TBL1X: variants seen among roughly 807,000 people sequenced by gnomAD.
The protein encoded by TBL1X is transducin beta like 1 X-linked, also known as F-box-like/WD repeat-containing protein TBL1X.
Under a neutral mutation model 50.7 loss-of-function variants are expected in TBL1X, and 10 were observed. That is an observed-to-expected ratio of 0.20 (90% CI 0.12 to 0.33). The LOEUF (loss-of-function observed/expected upper bound fraction) is 0.33. Among genes scored for constraint, TBL1X ranks in the 10% least tolerant of loss-of-function variants. The pLI is 1.00. For synonymous variants in TBL1X, 190 were observed against 214.7 expected (o/e 0.88, Z 1.01); for missense variants, 340 against 504.4 (o/e 0.67, Z 3.12).
At chrX:9,658,466 C>T (rs932780929) in intron 5 of TBL1X, among the ~76,000 whole-genome samples, 3 of 110,367 alleles carry the variant, frequency 2.7e-5, no homozygotes, top group African/African-American at 6.6e-5. Context: ...CTGGGGGAGT[C>T]GTGAGTTGTG....
In TBL1X at chrX:9,635,577, C is replaced by T. The variant is rs1359764952; in HGVS notation, c.-130-4696C>T. ...TGTGCGGCCCTGCACACAGCATGAG[C>T]TTGTCAGACAGACAGTGCTTGCCAA... is the stretch of plus-strand genomic sequence containing the variant. On this transcript the variant is annotated intron_variant, in intron 2 of 17. Transcript: ENST00000645353. Among the ~76,000 whole-genome samples, 5 of 112,192 alleles carry T rather than the reference C, an allele frequency of 4.5e-5. No individual in the cohort carries two copies. In the East Asian group the frequency reaches 1.1e-3, roughly 25 times the overall value.
At chrX:9,711,217 A>G (rs56136106) in intron 15 of TBL1X, among the ~76,000 whole-genome samples, 1,368 of 108,821 alleles carry the variant, frequency 0.013, 23 homozygotes, top group African/African-American at 0.04. Context: ...GTGTGGACCT[A>G]TGGTTGCAGC....
intron 2 of TBL1X, among the ~76,000 whole-genome samples, chrX:9,509,034 C>A (rs763168446): frequency 1.9e-4 from 21 of 109,774 alleles, no homozygotes; most frequent in African/African-American, 6.3e-4. Context: ...CACACATACA[C>A]CTGTATAACT....
chrX:9,639,824 A>G (rs1049385908), intron 2 of TBL1X: 3 of 112,100 alleles, frequency 2.7e-5, no homozygotes, highest in African/African-American at 9.7e-5. Flanking sequence ...ATGTTTAGCT[A>G]AAGCGTGTTG....
At chrX:9,471,098 G>A (rs893249122) in intron 1 of TBL1X, among the ~76,000 whole-genome samples, 1 of 112,639 alleles carries the variant, frequency 8.9e-6, no homozygotes, top group African/African-American at 3.2e-5. Context: ...GGTTAATCAC[G>A]TAAATATAAA....
chrX:9,684,774 C>T (rs1433658966), intron 6 of TBL1X, among the ~76,000 whole-genome samples: 2 of 111,484 alleles, frequency 1.8e-5, no homozygotes, highest in Non-Finnish European at 3.8e-5. Flanking sequence ...ACACTTACAC[C>T]GCCACATCTG....
At position 9,575,341 on chromosome X, in the gene TBL1X, A is replaced by G. The variant is rs773269247; in HGVS notation, c.-130-64932A>G. 7.2e-5 allele frequency among the ~76,000 whole-genome samples: 8 copies of G among 111,636 alleles called. No individual in the cohort carries two copies. In the South Asian group the frequency reaches 1.1e-3, roughly 16 times the overall value. On this transcript the variant is annotated intron_variant, in intron 2 of 17. Transcript: ENST00000645353. ...GGGTGGGGATTCAGAGCCAAACCAT[A>G]TCACCCATCAGCAGTCACTTCCCAT...
intron 2 of TBL1X, among the ~76,000 whole-genome samples, chrX:9,638,664 A>G (rs1438752518): frequency 8.9e-6 from 1 of 112,286 alleles, no homozygotes; most frequent in Non-Finnish European, 1.9e-5. Context: ...CTTTCTTCTG[A>G]ACAGCTTGTA....
chrX:9,599,428 C>CT (rs2082543219), intron 2 of TBL1X, among the ~76,000 whole-genome samples: 1 of 112,391 alleles, frequency 8.9e-6, no homozygotes, highest in African/African-American at 3.2e-5. Context: ...AAAGGTTCTG[C>CT]TTTCATTGCC....
chrX:9,503,572 T>C (rs2082012006), intron 2 of TBL1X, among the ~76,000 whole-genome samples: 1 of 113,217 alleles, frequency 8.8e-6, no homozygotes, highest in South Asian at 3.6e-4. Context: ...AGCTACAGGC[T>C]ACGCTTTTCC....
chrX:9,544,765 C>T (rs935754736), intron 2 of TBL1X, among the ~76,000 whole-genome samples: 16 of 109,467 alleles, frequency 1.5e-4, no homozygotes, highest in Admixed American at 2.9e-4. Flanking sequence ...AGGGTTTCTC[C>T]GTGTTGGTCA....
At position 9,654,217 on chromosome X, in the gene TBL1X, G is replaced by A; in HGVS notation, c.106G>A (p.Gly36Ser). The part of the protein sequence containing the change: ...HHFQRLRGRE[G>S]GSHFINTSSP... ...AACTCTCTTCTCTTTTTGAACAGAGGGTGGTTCCCACTTCATCAACACCTC... is the reference window on the plus strand; with the variant it reads ...AACTCTCTTCTCTTTTTGAACAGAGAGTGGTTCCCACTTCATCAACACCTC... The change falls in exon 5 of 18, where the codon GGT becomes AGT. Residue 36 changes from glycine (G) to serine (S), a missense_variant and splice_region_variant. This residue lies in a region of TBL1X where 41 missense variants were observed against 48.6 expected (regional missense o/e 0.84). Transcript: ENST00000645353. 5.0e-6 allele frequency: 6 copies of A among 1,208,906 alleles called. No individual in the cohort carries two copies. The highest frequency in any genetic ancestry group is 3.0e-5 in the East Asian group (1 of 33,822).
rs774050435 is a variant in TBL1X, at chrX:9,492,838, G to GGTGT, written c.-200-8885_-200-8882dup. 6.7e-3 allele frequency among the ~76,000 whole-genome samples: 381 copies of GGTGT among 56,972 alleles called. 9 individuals carry two copies. Among genetic ancestry groups the GGTGT allele is most frequent in the Admixed American group, 9.5e-3 (44 of 4,633 alleles). 49.5% of individuals were successfully genotyped at this position (56,972 alleles called of 115,157 possible). ...AATATTGTTGAGATTGGGGCTAGAG[G>GGTGT]GTGTGTGTGTGTGTGTGTGTGTGTG... On this transcript the variant is annotated intron_variant, in intron 1 of 17. Coordinates refer to ENST00000645353, the MANE Select transcript of TBL1X (RefSeq NM_005647.4).
chrX:9,467,965 T>G (rs1399140631), intron 1 of TBL1X, among the ~76,000 whole-genome samples: 1 of 112,652 alleles, frequency 8.9e-6, no homozygotes, highest in African/African-American at 3.2e-5. Flanking sequence ...TGACTTCAGA[T>G]GCCTGCGCCT....
intron 2 of TBL1X, among the ~76,000 whole-genome samples, chrX:9,528,399 T>C (rs774383697): frequency 9.0e-6 from 1 of 111,069 alleles, no homozygotes; most frequent in South Asian, 3.8e-4. Context: ...TCACTTCCCA[T>C]TTGAAGAGCG....
intron 2 of TBL1X, among the ~76,000 whole-genome samples, chrX:9,597,917 TAGTC>T (rs199650452): frequency 0.011 from 1,244 of 112,337 alleles, 17 homozygotes; most frequent in African/African-American, 0.038. Flanking sequence ...CTTCATGCGT[TAGTC>T]AGTGTCTCTG....
chrX:9,487,153 T>C lies in TBL1X; in HGVS notation c.-200-14627T>C, dbSNP rs1266557951. ...TTCTCTTTTTTAATGACAACTTTACTGAGCATACACACAACTCATTCCTCT... is the reference window on the plus strand; with the variant it reads ...TTCTCTTTTTTAATGACAACTTTACCGAGCATACACACAACTCATTCCTCT... On this transcript the variant is annotated intron_variant, in intron 1 of 17. Transcript: ENST00000645353. Among the ~76,000 whole-genome samples the C allele has an allele frequency of 1.8e-5, 2 of 112,057 alleles. 1 individual carries two copies. The highest frequency in any genetic ancestry group is 1.9e-4 in the Admixed American group (2 of 10,566).
chrX:9,632,149 A>T (rs1287535339), intron 2 of TBL1X, among the ~76,000 whole-genome samples: 1 of 111,658 alleles, frequency 9.0e-6, no homozygotes, highest in East Asian at 2.8e-4. Context: ...CAAGAAATTG[A>T]TTGTGTCTTG....
intron 2 of TBL1X, among the ~76,000 whole-genome samples, chrX:9,506,673 A>G (rs778867533): frequency 1.1e-4 from 12 of 112,401 alleles, no homozygotes; most frequent in African/African-American, 3.9e-4. Context: ...ATGCAAATAA[A>G]TTAGAAAATC....
Sources: allele counts gnomAD v4.1 joint callset (sites outside exome capture counted in the v4.1 genomes callset), GRCh38; gene constraint gnomAD v4.1.1; regional missense constraint gnomAD v4.1.1; transcripts MANE v1.5; gene names NCBI Gene and HGNC (gene_info 2026-07-23, HGNC 2026-07-21).